The following CSMD1 variants were observed in gnomAD, a reference collection of about 807,000 sequenced individuals.
The protein encoded by CSMD1 is CUB and Sushi multiple domains 1, also known as CUB and sushi domain-containing protein 1.
CSMD1 carries 213 observed loss-of-function variants against 417.5 expected under a neutral mutation model. That is an observed-to-expected ratio of 0.51 (90% CI 0.46 to 0.57). The LOEUF (loss-of-function observed/expected upper bound fraction) is 0.57. CSMD1 is among the 20% of genes least tolerant of loss of function. The pLI, the probability that CSMD1 is intolerant of heterozygous loss-of-function variation, is 0.00. For synonymous variants in CSMD1, 2,862 were observed against 1,736.8 expected, an observed-to-expected ratio of 1.65 and a Z score of -16.11; for missense variants, 6,923 against 4,529.7, an observed-to-expected ratio of 1.53 and a Z score of -15.17.
At chr8:3,264,856 G>T (rs1295337524) in intron 26 of CSMD1, among the ~76,000 whole-genome samples, 1 of 132,630 alleles carries the variant, frequency 7.5e-6, no homozygotes, top group East Asian at 2.2e-4. Context: ...TGGGTGGGCT[G>T]TGTGTGGGTG....
chr8:4,954,916 T>C lies in CSMD1; in HGVS notation c.85+39416A>G, dbSNP rs554056133. Among the ~76,000 whole-genome samples the C allele has an allele frequency of 6.6e-4, 100 of 152,332 alleles. No individual in the cohort carries two copies. In the South Asian group the frequency reaches 8.5e-3, roughly 13 times the overall value. ...TTTGTTTCAAAATACCTGATTGAAA[T>C]GATCAGTGAAAACATGTTTCTGTTT... On this transcript the variant is annotated intron_variant, in intron 1 of 69. Coordinates refer to ENST00000635120, the MANE Select transcript of CSMD1 (RefSeq NM_033225.6).
At chr8:3,612,748 T>C (rs981773513) in intron 8 of CSMD1, among the ~76,000 whole-genome samples, 6 of 152,076 alleles carry the variant, frequency 3.9e-5, no homozygotes, top group Non-Finnish European at 7.4e-5. Context: ...AAACACAGCA[T>C]ATCAAAATTG....
chr8:4,286,841 T>C (rs537581771), intron 3 of CSMD1, among the ~76,000 whole-genome samples: 8 of 152,214 alleles, frequency 5.3e-5, no homozygotes, highest in Non-Finnish European at 8.8e-5. Context: ...TTGCTGTTTG[T>C]TATTAGGAGA....
Position 4,154,532 on chromosome 8 carries a change from C to G in CSMD1, c.416-122433G>C, listed in dbSNP as rs1387857687. Reference sequence around the variant, plus strand: ...GACAAGAGCCACTGTGGAGAAAGAGCAGAAGCCAGGACACTATGCTTCTAA... The same window carrying G: ...GACAAGAGCCACTGTGGAGAAAGAGGAGAAGCCAGGACACTATGCTTCTAA... On this transcript the variant is annotated intron_variant, in intron 3 of 69. Coordinates refer to ENST00000635120, the MANE Select transcript of CSMD1 (RefSeq NM_033225.6). 3.3e-5 allele frequency among the ~76,000 whole-genome samples: 5 copies of G among 152,226 alleles called. 1 individual carries two copies. In the South Asian group the frequency reaches 1.0e-3, roughly 32 times the overall value.
chr8:4,063,976 G>C (rs1009464676), intron 3 of CSMD1, among the ~76,000 whole-genome samples: 6 of 152,138 alleles, frequency 3.9e-5, no homozygotes, highest in African/African-American at 1.4e-4. Flanking sequence ...AAGAGAGTGT[G>C]TGTTGGGAAA....
chr8:4,376,230 T>C (rs981566115), intron 3 of CSMD1, among the ~76,000 whole-genome samples: 4 of 152,208 alleles, frequency 2.6e-5, no homozygotes, highest in Non-Finnish European at 5.9e-5. Context: ...GTTTTTGACG[T>C]TTTCCTATTT....
intron 4 of CSMD1, among the ~76,000 whole-genome samples, chr8:4,029,475 A>G (rs535617583): frequency 1.2e-4 from 18 of 152,240 alleles, no homozygotes; most frequent in Admixed American, 5.9e-4. Flanking sequence ...AGAAACACCC[A>G]TTTTTAAAAC....
At chr8:4,280,362 A>C (rs945465118) in intron 3 of CSMD1, among the ~76,000 whole-genome samples, 2 of 152,220 alleles carry the variant, frequency 1.3e-5, no homozygotes, top group East Asian at 1.9e-4. Flanking sequence ...AATAAATAAT[A>C]ATTGAATAGA....
chr8:4,030,112 C>T (rs1212372352), intron 4 of CSMD1, among the ~76,000 whole-genome samples: 1 of 152,202 alleles, frequency 6.6e-6, no homozygotes, highest in Non-Finnish European at 1.5e-5. Context: ...TGTTAACTGT[C>T]TGCAGCTTTT....
At chr8:2,939,225 A>C (rs1801698259) in intron 69 of CSMD1, among the ~76,000 whole-genome samples, 1 of 152,228 alleles carries the variant, frequency 6.6e-6, no homozygotes, top group Admixed American at 6.5e-5. Context: ...GCCTTGGTTA[A>C]GACACGAAAC....
intron 42 of CSMD1, among the ~76,000 whole-genome samples, chr8:3,111,317 G>A (rs1816502519): frequency 1.3e-5 from 2 of 152,120 alleles, no homozygotes; most frequent in African/African-American, 4.8e-5. Flanking sequence ...AAAGAACATT[G>A]GATTGAACCT....
rs150392895 is a variant in CSMD1, at chr8:3,915,166, G to C, written c.818+82737C>G. On this transcript the variant is annotated intron_variant, in intron 5 of 69. Coordinates refer to ENST00000635120, the MANE Select transcript of CSMD1 (RefSeq NM_033225.6). ...CACGCCTGTAATCCCAGCCCTTTGG[G>C]AGGCTGAGGCAGGAGGACCACCTAA... Among the ~76,000 whole-genome samples the C allele has an allele frequency of 2.6e-5, 4 of 152,188 alleles. No individual in the cohort carries two copies. The East Asian group carries it at 5.8e-4, about 22-fold the overall frequency.
At chr8:4,785,513 G>A (rs961208086) in intron 1 of CSMD1, among the ~76,000 whole-genome samples, 1 of 152,106 alleles carries the variant, frequency 6.6e-6, no homozygotes, top group Non-Finnish European at 1.5e-5. Context: ...GATTACCCTA[G>A]ACAGCACCAG....
intron 49 of CSMD1, 74 bp downstream of exon 49, chr8:3,087,023 T>C (rs1439814949): frequency 7.6e-7 from 1 of 1,320,070 alleles, no homozygotes; most frequent in Non-Finnish European, 1.1e-6. Context: ...TAGTGCTTCA[T>C]TTATTTTCAG....
chr8:4,584,171 C>A (rs1470318639), intron 2 of CSMD1, among the ~76,000 whole-genome samples: 1 of 152,086 alleles, frequency 6.6e-6, no homozygotes, highest in Non-Finnish European at 1.5e-5. Flanking sequence ...AGAACTGTAA[C>A]ACTCACTGCG....
chr8:3,983,891 A>G (rs992674709), intron 5 of CSMD1, among the ~76,000 whole-genome samples: 23 of 151,952 alleles, frequency 1.5e-4, no homozygotes, highest in Non-Finnish European at 1.2e-4. Flanking sequence ...GGGACTGTCA[A>G]TTGCAGTTCT....
chr8:3,018,671 AT>A, intron 51 of CSMD1, 21 bp from the exon 52 acceptor site: 2 of 1,602,262 alleles, frequency 1.2e-6, no homozygotes, highest in Non-Finnish European at 1.7e-6. Context: ...AAACAATAAA[AT>A]GAACATCAAT....
At chr8:3,509,357 C>G (rs1313279026) in intron 10 of CSMD1, among the ~76,000 whole-genome samples, 1 of 152,134 alleles carries the variant, frequency 6.6e-6, no homozygotes, top group East Asian at 1.9e-4. Flanking sequence ...TTAGCCAAGT[C>G]AACTTTGTCA....
At chr8:4,094,998 T>G (rs1025329652) in intron 3 of CSMD1, among the ~76,000 whole-genome samples, 2 of 152,148 alleles carry the variant, frequency 1.3e-5, no homozygotes, top group Non-Finnish European at 2.9e-5. Context: ...ACAGGTGGAC[T>G]AGAAATGGAG....
Sources: allele counts gnomAD v4.1 joint callset (sites outside exome capture counted in the v4.1 genomes callset), GRCh38; gene constraint gnomAD v4.1.1; transcripts MANE v1.5; gene names NCBI Gene and HGNC (gene_info 2026-07-23, HGNC 2026-07-21).